LEPR: variants seen among roughly 807,000 people sequenced by gnomAD.
LEPR encodes leptin receptor.
Under a neutral mutation model 114.7 loss-of-function variants are expected in LEPR, and 56 were observed. The observed-to-expected ratio is 0.49, with a 90% confidence interval of 0.39 to 0.61. The LOEUF is 0.61. Among genes scored for constraint, LEPR ranks in the 20% least tolerant of loss-of-function variants. The pLI, the probability that LEPR is intolerant of heterozygous loss-of-function variation, is 0.00. For synonymous variants in LEPR, 443 were observed against 461.4 expected (o/e 0.96, Z 0.51); for missense variants, 1,202 against 1,352.9 (o/e 0.89, Z 1.75).
chr1:65,496,193 C>T (rs555685348), intron 2 of LEPR, among the ~76,000 whole-genome samples: 1 of 152,094 alleles, frequency 6.6e-6, no homozygotes, highest in East Asian at 1.9e-4. Flanking sequence ...ATGTGTCAAT[C>T]AATTTTTTTT....
rs946407767 is a variant in LEPR, at chr1:65,641,125, C to T, written c.*4110C>T. ...TGAATTATTTTTCTATAAAGTTTAT[C>T]AATATTTATTTTGGAAAGCTGCTGA... On this transcript the variant is annotated 3_prime_UTR_variant, in exon 20 of 20. Transcript: ENST00000349533. 2.6e-5 allele frequency: 4 copies of T among 151,998 alleles called. No individual in the cohort carries two copies. Among genetic ancestry groups the T allele is most frequent in the African/African-American group, 9.7e-5 (4 of 41,360 alleles). 9.4% of individuals were successfully genotyped at this position (151,998 alleles called of 1,614,324 possible).
intron 2 of LEPR, among the ~76,000 whole-genome samples, chr1:65,465,926 C>T (rs1438853262): frequency 2.0e-5 from 3 of 152,158 alleles, no homozygotes; most frequent in African/African-American, 7.2e-5. Context: ...TGTCTTTGCA[C>T]ATGAGATAGG....
At chr1:65,436,725 T>C (rs934298816) in intron 2 of LEPR, among the ~76,000 whole-genome samples, 1 of 151,534 alleles carries the variant, frequency 6.6e-6, no homozygotes, top group Admixed American at 6.6e-5. Flanking sequence ...TCTTCACTTT[T>C]GATTATATCT....
chr1:65,553,942 T>C (rs1172641246), intron 2 of LEPR, among the ~76,000 whole-genome samples: 1 of 152,188 alleles, frequency 6.6e-6, no homozygotes, highest in Non-Finnish European at 1.5e-5. Flanking sequence ...TGTGTTAGTT[T>C]TCCTTCTACC....
chr1:65,550,737 G>C (rs903337332), intron 2 of LEPR, among the ~76,000 whole-genome samples: 6 of 152,132 alleles, frequency 3.9e-5, no homozygotes, highest in Non-Finnish European at 8.8e-5. Flanking sequence ...TTCCTTGACC[G>C]GGAAAGGGAA....
At chr1:65,589,278 A>T (rs1655526716) in intron 5 of LEPR, among the ~76,000 whole-genome samples, 1 of 151,986 alleles carries the variant, frequency 6.6e-6, no homozygotes, top group Non-Finnish European at 1.5e-5. Flanking sequence ...TTGTATTATT[A>T]TTATTTAGTT....
At chr1:65,585,995 T>C (rs1655288443) in intron 5 of LEPR, among the ~76,000 whole-genome samples, 1 of 152,048 alleles carries the variant, frequency 6.6e-6, no homozygotes, top group Admixed American at 6.6e-5. Context: ...GAAGTAATTA[T>C]ATAATTCTCT....
chr1:65,519,002 CTTCT>C lies in LEPR; in HGVS notation c.-20-46535_-20-46532del, dbSNP rs949374778. Among the ~76,000 whole-genome samples the C allele has an allele frequency of 1.2e-4, 14 of 117,330 alleles. No individual in the cohort carries two copies. The South Asian group carries it at 1.3e-3, about 11-fold the overall frequency. The allele number at this position is 117,330 out of a possible 152,430, so 77.0% of individuals were successfully genotyped here. On this transcript the variant is annotated intron_variant, in intron 2 of 19. Coordinates refer to ENST00000349533, the MANE Select transcript of LEPR (RefSeq NM_002303.6). ...TCTCTCTTTCCTTCCTTCCTTCTTT[CTTCT>C]TTCTTTCTCTTTCTTTCTCTTTCTT...
intron 3 of LEPR, among the ~76,000 whole-genome samples, chr1:65,566,748 A>G (rs1019367211): frequency 1.3e-5 from 2 of 152,198 alleles, no homozygotes; most frequent in African/African-American, 4.8e-5. Flanking sequence ...GATTCTGAGC[A>G]TCTCCTTGGC....
At chr1:65,572,163 A>G (rs1654230221) in intron 4 of LEPR, among the ~76,000 whole-genome samples, 163 bp from the exon 5 acceptor site, 1 of 151,848 alleles carries the variant, frequency 6.6e-6, no homozygotes, top group South Asian at 2.1e-4. Flanking sequence ...AACGCATGCC[A>G]CTAGTTAAAG....
At chr1:65,615,755 C>T (rs1221008322) in intron 14 of LEPR, among the ~76,000 whole-genome samples, 1 of 152,020 alleles carries the variant, frequency 6.6e-6, no homozygotes, top group Non-Finnish European at 1.5e-5. Flanking sequence ...ATTCTCTGGG[C>T]CTTAAGAAAA....
intron 2 of LEPR, among the ~76,000 whole-genome samples, chr1:65,462,232 A>T (rs1646955237): frequency 6.6e-6 from 1 of 152,080 alleles, no homozygotes; most frequent in Non-Finnish European, 1.5e-5. Flanking sequence ...CCCACCTATG[A>T]GTGAGAACAT....
intron 2 of LEPR, among the ~76,000 whole-genome samples, chr1:65,487,714 TTA>T (rs984263646): frequency 4.6e-5 from 7 of 151,732 alleles, no homozygotes; most frequent in Non-Finnish European, 8.8e-5. Context: ...AAATTTTTTT[TTA>T]AAATTATCTT....
chr1:65,422,513 A>C (rs916193026), intron 1 of LEPR, among the ~76,000 whole-genome samples: 4 of 152,218 alleles, frequency 2.6e-5, no homozygotes, highest in Non-Finnish European at 5.9e-5. Flanking sequence ...GGTACTTTGT[A>C]ACGGCAGCCC....
intron 2 of LEPR, among the ~76,000 whole-genome samples, chr1:65,553,652 G>T (rs1652593428): frequency 1.3e-5 from 2 of 151,818 alleles, no homozygotes; most frequent in South Asian, 4.2e-4. Flanking sequence ...CCTTGCATTG[G>T]GTTAGAACAT....
intron 2 of LEPR, among the ~76,000 whole-genome samples, chr1:65,474,230 C>G (rs1421267787): frequency 2.0e-5 from 3 of 152,164 alleles, no homozygotes; most frequent in African/African-American, 4.8e-5. Flanking sequence ...CTGTACATCT[C>G]CTGATATTGA....
chr1:65,518,375 A>T (rs1411157172), intron 2 of LEPR, among the ~76,000 whole-genome samples: 1 of 152,086 alleles, frequency 6.6e-6, no homozygotes, highest in Admixed American at 6.6e-5. Flanking sequence ...GAGAAGGCCG[A>T]GGGGGTCCAT....
intron 2 of LEPR, among the ~76,000 whole-genome samples, chr1:65,480,753 C>A (rs1647216622): frequency 6.6e-6 from 1 of 151,944 alleles, no homozygotes; most frequent in South Asian, 2.1e-4. Context: ...TGTCAAAGTT[C>A]ACACTACCAG....
rs376857909 is a variant in LEPR, at chr1:65,614,030, C to T, written c.1996-1978C>T. ...AAAATGGTACAGCCACTTTGGAAGC[C>T]AGTTTGGTAATTTCTTACAAATTTA... On this transcript the variant is annotated intron_variant, in intron 14 of 19. Coordinates refer to ENST00000349533, the MANE Select transcript of LEPR (RefSeq NM_002303.6). Among the ~76,000 whole-genome samples the T allele has an allele frequency of 5.3e-5, 8 of 152,106 alleles. No homozygotes were observed. The East Asian group carries it at 1.5e-3, about 29-fold the overall frequency.
Sources: allele counts gnomAD v4.1 joint callset (sites outside exome capture counted in the v4.1 genomes callset), GRCh38; gene constraint gnomAD v4.1.1; transcripts MANE v1.5; gene names NCBI Gene and HGNC (gene_info 2026-07-23, HGNC 2026-07-21).